The following ENTREP3 variants were observed in gnomAD, a reference collection of about 807,000 sequenced individuals.
The protein encoded by ENTREP3 is protein ENTREP3.
the ENTREP3 span, chr1:155,254,535 C>G: frequency 6.3e-7 from 1 of 1,579,602 alleles, no homozygotes; most frequent in Non-Finnish European, 8.7e-7. This position sits in a 1 kb window ranked among gnomAD's most constrained non-coding sequence, Gnocchi z 4.4. Context: ...TGCACCCAGC[C>G]CTGTAAGGAG....
At chr1:155,253,721 G>A in the ENTREP3 span, 14 of 1,609,528 alleles carry the variant, frequency 8.7e-6, no homozygotes, top group East Asian at 2.9e-4. Context: ...CACAGACGCT[G>A]AAGAGCAGGT....
chr1:155,250,202 G>A, the ENTREP3 span: 8 of 1,340,254 alleles, frequency 6.0e-6, no homozygotes, highest in Admixed American at 2.5e-5. This position sits in a 1 kb window ranked among gnomAD's most constrained non-coding sequence, Gnocchi z 5.4. Context: ...CCCCAATCCT[G>A]GTGGGCATCA....
the ENTREP3 span, chr1:155,254,749 G>C: frequency 6.2e-7 from 1 of 1,613,986 alleles, no homozygotes; most frequent in Middle Eastern, 1.7e-4. This position sits in a 1 kb window ranked among gnomAD's most constrained non-coding sequence, Gnocchi z 4.4. Flanking sequence ...GGATGCCCAG[G>C]AGCACTTGGA....
At chr1:155,253,369 C>A in the ENTREP3 span, 1 of 468,306 alleles carries the variant, frequency 2.1e-6, no homozygotes, top group Non-Finnish European at 3.8e-6. Context: ...CTCTACCCCA[C>A]CATCCAGTCC....
chr1:155,250,817 G>T, the ENTREP3 span: 1 of 1,600,554 alleles, frequency 6.2e-7, no homozygotes, highest in Non-Finnish European at 8.5e-7. This position sits in a 1 kb window ranked among gnomAD's most constrained non-coding sequence, Gnocchi z 5.4. Context: ...CGCTGTCCAT[G>T]GACACTGTGG....
At chr1:155,249,779 G>A in the ENTREP3 span, among the ~76,000 whole-genome samples, 4 of 151,902 alleles carry the variant, frequency 2.6e-5, no homozygotes, top group South Asian at 2.1e-4. Context: ...CTCACTACTC[G>A]GGAGGCTGAG....
the ENTREP3 span, chr1:155,247,510 G>C: frequency 1.5e-6 from 1 of 686,932 alleles, no homozygotes; most frequent in Non-Finnish European, 2.7e-6. Context: ...TTCTGAGGGG[G>C]ACAAGAATTT....
chr1:155,252,420 A>T, the ENTREP3 span, among the ~76,000 whole-genome samples: 1 of 151,666 alleles, frequency 6.6e-6, no homozygotes, highest in Non-Finnish European at 1.5e-5. Flanking sequence ...CCCAGGCTGG[A>T]GTACAATGGC....
At chr1:155,254,551 G>A in the ENTREP3 span, 6 of 1,568,556 alleles carry the variant, frequency 3.8e-6, no homozygotes, top group South Asian at 6.7e-5. The surrounding 1 kb of genome is among the most constrained non-coding windows in gnomAD (Gnocchi z 4.4). Context: ...AGGAGGCAGA[G>A]GACCAGGAGA....
chr1:155,253,925 T>C, the ENTREP3 span: 2 of 1,612,674 alleles, frequency 1.2e-6, no homozygotes, highest in South Asian at 1.1e-5. Context: ...GCCCCGACTC[T>C]GGACAGGGCC....
chr1:155,249,787 G>A, the ENTREP3 span, among the ~76,000 whole-genome samples: 6 of 151,754 alleles, frequency 4.0e-5, no homozygotes, highest in Admixed American at 6.6e-5. Flanking sequence ...TCGGGAGGCT[G>A]AGGAAGGAGA....
At chr1:155,253,596 G>A in the ENTREP3 span, 10 of 1,526,586 alleles carry the variant, frequency 6.6e-6, no homozygotes, top group South Asian at 1.1e-5. Context: ...CACCATACCT[G>A]CGTGCCCTGG....
chr1:155,251,010 TTG>T, the ENTREP3 span: 1 of 1,394,310 alleles, frequency 7.2e-7, no homozygotes, highest in Non-Finnish European at 1.0e-6. Flanking sequence ...CAACTCCGCC[TTG>T]TTTTCCCCTT....
the ENTREP3 span, chr1:155,250,130 T>C: frequency 6.3e-6 from 4 of 632,676 alleles, no homozygotes; most frequent in Non-Finnish European, 1.0e-5. The surrounding 1 kb of genome is among the most constrained non-coding windows in gnomAD (Gnocchi z 5.4). Context: ...GGTGAGTACC[T>C]GAGAAGTGTC....
At chr1:155,254,794 T>G in the ENTREP3 span, 1 of 1,612,836 alleles carries the variant, frequency 6.2e-7, no homozygotes, top group African/African-American at 1.3e-5. The surrounding 1 kb of genome is among the most constrained non-coding windows in gnomAD (Gnocchi z 4.4). Context: ...GCAGCCAGGG[T>G]CGGTGGAGGC....
chr1:155,250,493 C>A, the ENTREP3 span: 2 of 1,493,052 alleles, frequency 1.3e-6, no homozygotes, highest in Non-Finnish European at 1.8e-6. This position sits in a 1 kb window ranked among gnomAD's most constrained non-coding sequence, Gnocchi z 5.4. Flanking sequence ...AGGGTCCCAC[C>A]CAGGGCGGCC....
At chr1:155,254,295 G>T in the ENTREP3 span, 1 of 1,503,422 alleles carries the variant, frequency 6.7e-7, no homozygotes, top group Non-Finnish European at 9.3e-7. This position sits in a 1 kb window ranked among gnomAD's most constrained non-coding sequence, Gnocchi z 4.4. Context: ...TGCCCACCCG[G>T]CTGGCACCAA....
At chr1:155,252,716 A>AT in the ENTREP3 span, 50 of 45,206 alleles carry the variant, frequency 1.1e-3, no homozygotes, top group Non-Finnish European at 1.4e-3. Flanking sequence ...ATATATATAT[A>AT]TATATATTTT....
chr1:155,251,552 C>T, the ENTREP3 span: 31 of 1,613,962 alleles, frequency 1.9e-5, no homozygotes, highest in East Asian at 4.5e-5. Flanking sequence ...GGGGGGCAAT[C>T]GGTAGGGTAC....
Sources: allele counts gnomAD v4.1 joint callset (sites outside exome capture counted in the v4.1 genomes callset), GRCh38; gene constraint gnomAD v4.1.1; non-coding constraint Gnocchi (gnomAD v3.1); transcripts MANE v1.5; gene names NCBI Gene and HGNC (gene_info 2026-07-23, HGNC 2026-07-21).